The following KCNH5 variants were observed in gnomAD, a reference collection of about 807,000 sequenced individuals.
KCNH5 encodes potassium voltage-gated channel subfamily H member 5.
KCNH5 carries 46 observed loss-of-function variants against 96.1 expected under a neutral mutation model. That is an observed-to-expected ratio of 0.48 (90% CI 0.38 to 0.61). The LOEUF (loss-of-function observed/expected upper bound fraction) is 0.61, where lower values mean the gene tolerates loss of function less well. Among genes scored for constraint, KCNH5 ranks in the 20% least tolerant of loss-of-function variants. KCNH5 has a pLI of 0.00. For synonymous variants in KCNH5, 439 were observed against 449.8 expected, an observed-to-expected ratio of 0.98 and a Z score of 0.30; for missense variants, 907 against 1,225.8, an observed-to-expected ratio of 0.74 and a Z score of 3.88.
intron 10 of KCNH5, among the ~76,000 whole-genome samples, chr14:62,758,248 C>A (rs914016443): frequency 1.3e-5 from 2 of 151,700 alleles, no homozygotes; most frequent in African/African-American, 2.4e-5. Flanking sequence ...TTTAAAATAT[C>A]TAAAAGTATG....
intron 7 of KCNH5, among the ~76,000 whole-genome samples, chr14:62,928,206 C>A (rs912547248): frequency 1.3e-5 from 2 of 152,062 alleles, no homozygotes; most frequent in African/African-American, 2.4e-5. Flanking sequence ...AGCACATGAT[C>A]CTGCAGAAGT....
intron 10 of KCNH5, among the ~76,000 whole-genome samples, chr14:62,769,049 C>T (rs1885927320): frequency 6.6e-6 from 1 of 152,214 alleles, no homozygotes; most frequent in Non-Finnish European, 1.5e-5. Context: ...TGAAGGTCTG[C>T]CTCTTTCTAC....
At chr14:62,963,407 T>C (rs1316711196) in intron 6 of KCNH5, among the ~76,000 whole-genome samples, 1 of 151,944 alleles carries the variant, frequency 6.6e-6, no homozygotes, top group African/African-American at 2.4e-5. Flanking sequence ...AGAGATGTAT[T>C]GTGAGGAATG....
At chr14:62,806,307 T>G (rs938298609) in intron 8 of KCNH5, among the ~76,000 whole-genome samples, 1 of 152,142 alleles carries the variant, frequency 6.6e-6, no homozygotes, top group Admixed American at 6.6e-5. Context: ...TTCCTTTACT[T>G]TCTTAATAAA....
chr14:62,742,350 C>T (rs1322592972), intron 10 of KCNH5, among the ~76,000 whole-genome samples: 1 of 152,068 alleles, frequency 6.6e-6, no homozygotes, highest in Non-Finnish European at 1.5e-5. Flanking sequence ...TTCATAACAA[C>T]CAAAAGCAAA....
At chr14:62,926,896 AGAG>A (rs1889487081) in intron 7 of KCNH5, among the ~76,000 whole-genome samples, 1 of 152,138 alleles carries the variant, frequency 6.6e-6, no homozygotes, top group Admixed American at 6.6e-5. Context: ...TGAATGATGC[AGAG>A]GACTCACAAG....
chr14:63,019,119 C>T (rs1012278417), intron 1 of KCNH5, among the ~76,000 whole-genome samples: 1 of 151,364 alleles, frequency 6.6e-6, no homozygotes, highest in African/African-American at 2.4e-5. Flanking sequence ...CAAAAGAGAG[C>T]ACACATGTTA....
At chr14:62,766,486 C>T (rs1274203340) in intron 10 of KCNH5, among the ~76,000 whole-genome samples, 3 of 152,084 alleles carry the variant, frequency 2.0e-5, no homozygotes, top group African/African-American at 7.2e-5. Flanking sequence ...CACCTGAGAA[C>T]TATTCATCCA....
intron 5 of KCNH5, among the ~76,000 whole-genome samples, chr14:62,985,951 T>A (rs1189471273): frequency 3.3e-5 from 5 of 152,308 alleles, no homozygotes; most frequent in Non-Finnish European, 7.3e-5. Context: ...ATCTACCCTG[T>A]CATCTAAATC....
intron 7 of KCNH5, among the ~76,000 whole-genome samples, chr14:62,903,800 T>C (rs1456810469): frequency 6.6e-6 from 1 of 152,138 alleles, no homozygotes; most frequent in Non-Finnish European, 1.5e-5. Flanking sequence ...ATTCTCTCCA[T>C]TTGTGGGGCT....
chr14:62,817,158 CATAATATATAATATATAATATA>C (rs1566670105), intron 8 of KCNH5, among the ~76,000 whole-genome samples: 12 of 133,484 alleles, frequency 9.0e-5, no homozygotes, highest in Non-Finnish European at 1.4e-4. Context: ...CACACATATA[CATAATATATAATATATAATATA>C]CTATATATTA....
chr14:62,715,277 G>A (rs1446171407), intron 10 of KCNH5, among the ~76,000 whole-genome samples: 3 of 152,152 alleles, frequency 2.0e-5, no homozygotes, highest in Non-Finnish European at 4.4e-5. Flanking sequence ...GGAAAAGAGA[G>A]AGGTGTTTTC....
At chr14:63,025,170 GA>G (rs912860248) in intron 1 of KCNH5, among the ~76,000 whole-genome samples, 3 of 152,004 alleles carry the variant, frequency 2.0e-5, no homozygotes, top group African/African-American at 7.2e-5. Context: ...AAAGGCATTT[GA>G]AAAATTCAAC....
At chr14:63,034,846 A>G (rs1281306177) in intron 1 of KCNH5, among the ~76,000 whole-genome samples, 2 of 152,202 alleles carry the variant, frequency 1.3e-5, no homozygotes, top group Non-Finnish European at 2.9e-5. Context: ...ATTAAAAAAG[A>G]TTTCTCCACA....
intron 10 of KCNH5, among the ~76,000 whole-genome samples, chr14:62,760,027 T>C (rs1181727237): frequency 6.6e-6 from 1 of 152,164 alleles, no homozygotes; most frequent in African/African-American, 2.4e-5. Flanking sequence ...TTGGTGACTC[T>C]CAGGTACAAA....
intron 10 of KCNH5, among the ~76,000 whole-genome samples, chr14:62,756,348 C>T (rs373354901): frequency 6.6e-5 from 10 of 151,826 alleles, no homozygotes; most frequent in South Asian, 2.1e-4. Context: ...TTGGAAGAAT[C>T]AATATTGTTA....
intron 4 of KCNH5, among the ~76,000 whole-genome samples, chr14:62,991,650 C>A (rs1238058290): frequency 6.6e-6 from 1 of 151,990 alleles, no homozygotes; most frequent in Admixed American, 6.6e-5. Flanking sequence ...CAGAGATGAG[C>A]TTTCTGAGCT....
At chr14:62,869,425 G>C (rs1345022304) in intron 7 of KCNH5, among the ~76,000 whole-genome samples, 1 of 151,642 alleles carries the variant, frequency 6.6e-6, no homozygotes, top group Non-Finnish European at 1.5e-5. Flanking sequence ...GTAGATTCTG[G>C]ATATTAACCC....
chr14:62,714,045 G>C (rs907787657), intron 10 of KCNH5, among the ~76,000 whole-genome samples: 2 of 152,092 alleles, frequency 1.3e-5, no homozygotes, highest in South Asian at 4.1e-4. Context: ...CCCTTTGGGA[G>C]GCCAAAGTGG....
Sources: gnomAD v4.1 joint callset for allele counts (sites outside exome capture counted in the v4.1 genomes callset) on GRCh38, gnomAD v4.1.1 for gene constraint, MANE v1.5 for transcripts, NCBI Gene and HGNC (gene_info 2026-07-23, HGNC 2026-07-21) for gene names.